NCKAP5: variants seen among roughly 807,000 people sequenced by gnomAD.
NCKAP5 encodes the protein NCK associated protein 5, also known as nck-associated protein 5.
NCKAP5 carries 92 observed loss-of-function variants against 167.0 expected under a neutral mutation model. That is an observed-to-expected ratio of 0.55 (90% confidence interval 0.47 to 0.66). NCKAP5 has a LOEUF of 0.66. NCKAP5 is among the 30% of genes least tolerant of loss of function. NCKAP5 has a pLI of 0.00. For missense variants in NCKAP5, 2,378 were observed against 2,315.0 expected (o/e 1.03, Z -0.56); for synonymous variants, 891 against 877.4 (o/e 1.02, Z -0.27).
In NCKAP5 at chr2:133,558,704, C is replaced by CAAAAAAAAAAAAAAAAAAAAAAAAA. The variant is rs60051493; in HGVS notation, c.-62+345_-62+346insTTTTTTTTTTTTTTTTTTTTTTTTT. 2.2e-4 allele frequency among the ~76,000 whole-genome samples: 11 copies of CAAAAAAAAAAAAAAAAAAAAAAAAA among 50,870 alleles called. 1 individual carries two copies. The highest frequency in any genetic ancestry group is 6.2e-4 in the Admixed American group (2 of 3,234). 33.4% of individuals were successfully genotyped at this position (50,870 alleles called of 152,430 possible). On this transcript the variant is annotated intron_variant, in intron 2 of 19. Transcript: ENST00000409261. ...ACATAAACAGATGCAATGTGCTGAG[C>CAAAAAAAAAAAAAAAAAAAAAAAAA]AAAAAAAAAAAAAAAAAAAAAAGCC...
At chr2:132,992,673 G>A (rs1389567954) in intron 7 of NCKAP5, among the ~76,000 whole-genome samples, 1 of 152,136 alleles carries the variant, frequency 6.6e-6, no homozygotes, top group Non-Finnish European at 1.5e-5. Flanking sequence ...GAGCTAGGAG[G>A]ACTAAAATTT....
chr2:133,517,497 C>T lies in NCKAP5; in HGVS notation c.30G>A (p.Arg10=), dbSNP rs141746462. 16 of 1,537,368 alleles carry T rather than the reference C, an allele frequency of 1.0e-5. No homozygotes were observed. The African/African-American group carries it at 1.8e-4, about 17-fold the overall frequency. Residue 10 remains arginine, a synonymous_variant, in exon 3 of 20, where the codon AGG becomes AGA. Transcript: ENST00000409261. The part of the protein sequence containing the change: MEGKRQLEK[R]DFGKRLSLDS... ...CTAGAGACAGCCTTTTTCCAAAGTC[C>T]CTTTTCTCAAGCTGTCTCTTTCCCT...
chr2:133,574,443 G>C, the NCKAP5 span, among the ~76,000 whole-genome samples: 1 of 152,308 alleles, frequency 6.6e-6, no homozygotes, highest in African/African-American at 2.4e-5. Flanking sequence ...CATTTGCCCA[G>C]ATGGCCAGCA....
At chr2:133,303,416 G>A (rs898148971) in intron 3 of NCKAP5, among the ~76,000 whole-genome samples, 4 of 152,124 alleles carry the variant, frequency 2.6e-5, no homozygotes, top group African/African-American at 9.7e-5. Flanking sequence ...GTGTTCTACT[G>A]TATATAAATA....
intron 11 of NCKAP5, among the ~76,000 whole-genome samples, chr2:132,805,389 T>G (rs1685350221): frequency 6.6e-6 from 1 of 152,176 alleles, no homozygotes; most frequent in Admixed American, 6.5e-5. Flanking sequence ...GACAACTTAT[T>G]AAAATAACAA....
At chr2:133,544,814 C>T (rs552008675) in intron 2 of NCKAP5, among the ~76,000 whole-genome samples, 1 of 152,314 alleles carries the variant, frequency 6.6e-6, no homozygotes, top group South Asian at 2.1e-4. Flanking sequence ...CTTATACTTT[C>T]AGTTCAGAAA....
At chr2:133,438,241 A>C (rs1436984521) in intron 3 of NCKAP5, among the ~76,000 whole-genome samples, 1 of 152,208 alleles carries the variant, frequency 6.6e-6, no homozygotes, top group Non-Finnish European at 1.5e-5. Context: ...CATACAAACA[A>C]ATGAATGCTC....
At chr2:133,244,403 C>A (rs1038943535) in intron 4 of NCKAP5, among the ~76,000 whole-genome samples, 1 of 152,090 alleles carries the variant, frequency 6.6e-6, no homozygotes, top group Non-Finnish European at 1.5e-5. Context: ...TTCTCTTTAA[C>A]CTCCAATCTG....
chr2:132,927,315 C>T (rs576984136), intron 8 of NCKAP5, among the ~76,000 whole-genome samples: 48 of 152,032 alleles, frequency 3.2e-4, no homozygotes, highest in African/African-American at 1.1e-3. Flanking sequence ...TCTAACTTTG[C>T]TCTTTTTGCT....
chr2:133,582,028 T>C, the NCKAP5 span, among the ~76,000 whole-genome samples: 2 of 152,232 alleles, frequency 1.3e-5, no homozygotes, highest in Admixed American at 1.3e-4. Flanking sequence ...AAAATTAAAA[T>C]ACCTCTTTGT....
chr2:133,644,649 T>C, the NCKAP5 span, among the ~76,000 whole-genome samples: 3 of 152,344 alleles, frequency 2.0e-5, no homozygotes, highest in Admixed American at 2.0e-4. Context: ...TAATATCCTT[T>C]ATATTTTAAT....
At chr2:132,843,525 A>G (rs991997076) in intron 11 of NCKAP5, among the ~76,000 whole-genome samples, 1 of 151,550 alleles carries the variant, frequency 6.6e-6, no homozygotes, top group Non-Finnish European at 1.5e-5. Flanking sequence ...TTTTCTTTAT[A>G]TTAGCATTTT....
intron 6 of NCKAP5, among the ~76,000 whole-genome samples, chr2:133,064,360 G>T (rs76987519): frequency 1.3e-3 from 197 of 152,296 alleles, no homozygotes; most frequent in African/African-American, 4.5e-3. Context: ...ATTATGGTTT[G>T]TGTAGGAGAA....
intron 3 of NCKAP5, among the ~76,000 whole-genome samples, chr2:133,434,964 A>G (rs2151138693): frequency 6.6e-6 from 1 of 152,340 alleles, no homozygotes; most frequent in East Asian, 1.9e-4. Context: ...AGCTAGGAGA[A>G]CTATAGAAGA....
At chr2:133,047,190 G>A (rs568263816) in intron 6 of NCKAP5, among the ~76,000 whole-genome samples, 2 of 151,976 alleles carry the variant, frequency 1.3e-5, no homozygotes, top group South Asian at 2.1e-4. Context: ...TGAACACAAA[G>A]CTTTGTTTTT....
intron 2 of NCKAP5, among the ~76,000 whole-genome samples, chr2:133,548,103 C>T (rs368520637): frequency 3.0e-4 from 44 of 148,136 alleles, no homozygotes; most frequent in Admixed American, 1.3e-4. Context: ...GGAGCCAATG[C>T]GATCAACTGG....
chr2:133,343,389 T>C (rs1294506390), intron 3 of NCKAP5, among the ~76,000 whole-genome samples: 1 of 150,236 alleles, frequency 6.7e-6, no homozygotes, highest in Non-Finnish European at 1.5e-5. Context: ...ATAGATTACC[T>C]ACAAAAAGAA....
the NCKAP5 span, among the ~76,000 whole-genome samples, chr2:133,611,673 T>TG: frequency 2.6e-5 from 4 of 152,164 alleles, no homozygotes; most frequent in Admixed American, 1.3e-4. Flanking sequence ...AAAGGCTGGG[T>TG]GGGGTGTGGC....
chr2:133,168,573 G>A (rs1273595044), intron 5 of NCKAP5, among the ~76,000 whole-genome samples: 4 of 151,908 alleles, frequency 2.6e-5, no homozygotes, highest in Non-Finnish European at 5.9e-5. Flanking sequence ...TTTCTAGAGA[G>A]CCCACCTCCT....
Sources: allele counts gnomAD v4.1 joint callset (sites outside exome capture counted in the v4.1 genomes callset), GRCh38; gene constraint gnomAD v4.1.1; transcripts MANE v1.5; gene names NCBI Gene and HGNC (gene_info 2026-07-23, HGNC 2026-07-21).